The following TRAF3IP3 variants were observed in gnomAD, a reference collection of about 807,000 sequenced individuals.
TRAF3IP3 encodes TRAF3 interacting protein 3, also known as TRAF3-interacting JNK-activating modulator.
A neutral mutation model predicts 86.5 loss-of-function variants in TRAF3IP3; 64 were observed. The ratio of observed to expected loss-of-function variants is 0.74; its 90% CI spans 0.60 to 0.91. The LOEUF (loss-of-function observed/expected upper bound fraction) is 0.91. TRAF3IP3 is among the 40% of genes least tolerant of loss of function. The pLI is 0.00. For missense variants in TRAF3IP3, 579 were observed against 642.9 expected (o/e 0.90, Z 1.07); for synonymous variants, 220 against 243.9 (o/e 0.90, Z 0.91).
At chr1:209,779,500 G>A (rs777575808) in intron 14 of TRAF3IP3, 126 bp downstream of exon 14, 2 of 804,944 alleles carry the variant, frequency 2.5e-6, no homozygotes, top group Non-Finnish European at 4.3e-6. Context: ...AGTCCGGGAT[G>A]TGTGGGAGCT....
chr1:209,782,015 C>A, intron 16 of TRAF3IP3, 41 bp from the exon 17 acceptor site: 1 of 1,515,960 alleles, frequency 6.6e-7, no homozygotes, highest in Non-Finnish European at 9.2e-7. Flanking sequence ...TTTTCCAATC[C>A]ACTCATGGCC....
At chr1:209,781,234 A>C (rs1435869314) in intron 15 of TRAF3IP3, 111 bp from the exon 16 acceptor site, 1 of 651,112 alleles carries the variant, frequency 1.5e-6, no homozygotes, top group African/African-American at 1.8e-5. Context: ...TGGGAAGGGA[A>C]GATGGTGGTA....
rs985275685 is a variant in TRAF3IP3 at position 209,778,356 on chromosome 1, C to T, written c.1252+183C>T. On this transcript the variant is annotated intron_variant, in intron 13 of 16. Transcript: ENST00000367025. ...TAGCTCTCCATAAATTATGTGTTAG[C>T]CTCTGTTCTTTTTTTTCTACTGTTC... The T allele has an allele frequency of 3.1e-5, 16 of 515,382 alleles. No individual in the cohort carries two copies. In the Admixed American group the frequency reaches 4.7e-4, roughly 15 times the overall value. The allele number at this position is 515,382 out of a possible 1,614,324, so 31.9% of individuals were successfully genotyped here.
At chr1:209,773,322 G>C (rs1307708020) in intron 9 of TRAF3IP3, among the ~76,000 whole-genome samples, 1 of 152,156 alleles carries the variant, frequency 6.6e-6, no homozygotes, top group Non-Finnish European at 1.5e-5. Flanking sequence ...GTAGGGGAAG[G>C]CCCTTGGTAA....
intron 11 of TRAF3IP3, chr1:209,776,065 G>T: frequency 4.7e-6 from 1 of 213,340 alleles, no homozygotes; most frequent in Non-Finnish European, 9.3e-6. Context: ...TCCCAAAAAA[G>T]CATCCAGTTC....
chr1:209,763,298 G>A, intron 6 of TRAF3IP3, 65 bp from the exon 7 acceptor site: 1 of 1,581,502 alleles, frequency 6.3e-7, no homozygotes. Context: ...CCAGGCTCTG[G>A]TTCTATATCC....
intron 8 of TRAF3IP3, among the ~76,000 whole-genome samples, chr1:209,770,791 G>T (rs921821943): frequency 2.8e-5 from 4 of 143,894 alleles, no homozygotes; most frequent in African/African-American, 1.0e-4. Flanking sequence ...GTGTGTGTGT[G>T]TGCATATGGA....
intron 15 of TRAF3IP3, 87 bp from the exon 16 acceptor site, chr1:209,781,256 TGA>T (rs2077772268): frequency 1.2e-6 from 1 of 803,096 alleles, no homozygotes; most frequent in East Asian, 2.6e-5. Context: ...AAATTCCAAA[TGA>T]GTGAAACTTA....
chr1:209,760,309 C>T lies in TRAF3IP3; in HGVS notation c.270C>T (p.Ser90=), dbSNP rs766146227. The T allele has an allele frequency of 6.2e-7, 1 of 1,614,072 alleles. No homozygotes were observed. The highest frequency in any genetic ancestry group is 2.2e-5 in the East Asian group (1 of 44,868). The change falls in exon 3 of 17, where the codon TCC becomes TCT. Residue 90 remains serine, a synonymous_variant. Coordinates refer to ENST00000367025, the MANE Select transcript of TRAF3IP3 (RefSeq NM_025228.4). ...QHPQAREQGP[S]RRPGQVTVLK... is the part of the protein sequence containing the mutation. ...CCCAGGCCAGGGAGCAAGGGCCCTC[C>T]AGGCGGCCAGGACAGGTGACTGTCC...
chr1:209,778,953 G>C (rs929981843), intron 13 of TRAF3IP3: 2 of 276,272 alleles, frequency 7.2e-6, no homozygotes, highest in Non-Finnish European at 1.4e-5. Context: ...ATCTATCCCA[G>C]GGCTCTTTCC....
intron 12 of TRAF3IP3, 196 bp downstream of exon 12, chr1:209,777,683 G>C (rs1230492677): frequency 3.4e-6 from 2 of 585,272 alleles, no homozygotes; most frequent in African/African-American, 3.8e-5. Context: ...TAATTTCACT[G>C]TAGTAGATAG....
intron 16 of TRAF3IP3, 186 bp from the exon 17 acceptor site, chr1:209,781,870 G>C (rs2077788873): frequency 1.7e-6 from 1 of 587,608 alleles, no homozygotes; most frequent in Non-Finnish European, 3.0e-6. Flanking sequence ...CCCTGGGCCA[G>C]AGAACATTGG....
chr1:209,773,993 A>T (rs867298773), intron 9 of TRAF3IP3, among the ~76,000 whole-genome samples: 7 of 152,336 alleles, frequency 4.6e-5, no homozygotes, highest in African/African-American at 1.7e-4. Context: ...TATAAGACCC[A>T]CTCAAATTTA....
intron 8 of TRAF3IP3, among the ~76,000 whole-genome samples, chr1:209,771,452 TGC>T (rs1216539411): frequency 6.2e-5 from 9 of 144,792 alleles, no homozygotes; most frequent in Non-Finnish European, 7.5e-5. Context: ...GAGGTGTGTG[TGC>T]ATGTGAAGGT....
intron 6 of TRAF3IP3, 90 bp from the exon 7 acceptor site, chr1:209,763,273 T>C (rs1394965342): frequency 1.3e-6 from 2 of 1,510,918 alleles, no homozygotes; most frequent in African/African-American, 2.8e-5. Flanking sequence ...AGAGGTTTGC[T>C]CTACACAAGC....
At position 209,781,384 on chromosome 1, in the gene TRAF3IP3, G is replaced by C; in HGVS notation, c.1489G>C (p.Glu497Gln). 1 of 1,613,500 alleles carries C rather than the reference G, an allele frequency of 6.2e-7. No homozygotes were observed. The highest frequency in any genetic ancestry group is 8.5e-7 in the Non-Finnish European group (1 of 1,179,618). ...LHSELDNLSD[E>Q]YLSCLRKLQH... ...TTCAGAATTAGACAACCTCAGTGACGAGTATCTCTCCTGCCTGCGTAAGCT... is the reference window on the plus strand; with the variant it reads ...TTCAGAATTAGACAACCTCAGTGACCAGTATCTCTCCTGCCTGCGTAAGCT... The change falls in exon 16 of 17, where the codon GAG (glutamate) becomes CAG (glutamine). Residue 497 changes from glutamate (E) to glutamine (Q), a missense_variant. Transcript: ENST00000367025.
intron 13 of TRAF3IP3, chr1:209,779,063 T>G: frequency 1.8e-6 from 1 of 548,084 alleles, no homozygotes; most frequent in Non-Finnish European, 3.2e-6. Context: ...AGGACACCAG[T>G]GATATTAGAT....
At chr1:209,757,788 ATGTCTT>A (rs1041277613) in intron 1 of TRAF3IP3, among the ~76,000 whole-genome samples, 2 of 152,230 alleles carry the variant, frequency 1.3e-5, no homozygotes, top group African/African-American at 4.8e-5. Context: ...GGAATACTTT[ATGTCTT>A]TATTATTAAA....
intron 9 of TRAF3IP3, among the ~76,000 whole-genome samples, chr1:209,773,314 A>AG (rs2077585255): frequency 1.3e-5 from 2 of 152,338 alleles, no homozygotes; most frequent in South Asian, 4.1e-4. Flanking sequence ...CTGACACTGT[A>AG]GGGGAAGGCC....
Sources: allele counts gnomAD v4.1 joint callset (sites outside exome capture counted in the v4.1 genomes callset), GRCh38; gene constraint gnomAD v4.1.1; transcripts MANE v1.5; gene names NCBI Gene and HGNC (gene_info 2026-07-23, HGNC 2026-07-21).